Variants in RRP12 observed in about 807,000 individuals in gnomAD.
The protein encoded by RRP12 is ribosomal RNA processing 12 homolog, also known as RRP12-like protein.
In RRP12, 78 loss-of-function variants were observed where a neutral mutation model predicts 157.3. The observed-to-expected ratio is 0.50, with a 90% CI of 0.41 to 0.60. The LOEUF (loss-of-function observed/expected upper bound fraction) is 0.60, where lower values mean the gene tolerates loss of function less well. RRP12 is among the 20% of genes least tolerant of loss of function. The pLI is 0.00. For missense variants in RRP12, 1,521 were observed against 1,679.9 expected (o/e 0.91, Z 1.65); for synonymous variants, 726 against 670.9 (o/e 1.08, Z -1.27).
intron 2 of RRP12, among the ~76,000 whole-genome samples, chr10:97,398,016 TATATATGTATATATATATACG>T (rs1845023271): frequency 1.4e-5 from 1 of 72,422 alleles, no homozygotes; most frequent in East Asian, 4.4e-4. Flanking sequence ...CATATATATA[TATATATGTATATATATATACG>T]TATTTTTTTT....
intron 29 of RRP12, 89 bp from the exon 30 acceptor site, chr10:97,363,992 G>A: frequency 8.5e-7 from 1 of 1,179,320 alleles, no homozygotes; most frequent in South Asian, 1.2e-5. Flanking sequence ...TCACCAGGCT[G>A]CGGGGCCACC....
In RRP12 at chr10:97,401,259, C is replaced by T. The variant is rs1245124664; in HGVS notation, c.-28G>A. The T allele has an allele frequency of 6.2e-7, 1 of 1,612,646 alleles. No homozygotes were observed. The highest frequency in any genetic ancestry group is 1.7e-5 in the Admixed American group (1 of 59,980). On this transcript the variant is annotated 5_prime_UTR_variant, in exon 1 of 34. Coordinates refer to ENST00000370992, the MANE Select transcript of RRP12 (RefSeq NM_015179.4). ...TGACTAAGCCGTGGCGAGGAATGAGCTTAAATGACCGGCTTCCAGGGACGT... is the reference window on the plus strand; with the variant it reads ...TGACTAAGCCGTGGCGAGGAATGAGTTTAAATGACCGGCTTCCAGGGACGT...
At chr10:97,388,728 T>C (rs1844710945) in intron 6 of RRP12, 104 bp from the exon 7 acceptor site, 2 of 1,383,046 alleles carry the variant, frequency 1.4e-6, no homozygotes, top group Non-Finnish European at 2.0e-6. Context: ...GAAATATAGA[T>C]CCAATGATGA....
Position 97,367,109 on chromosome 10 carries a change from T to C in RRP12, c.2979A>G (p.Ser993=). ...QLVMEAIGKL[S]DDMRRHFRMK... ...TGCGGAAGTGCCGCCGCATGTCATC[T>C]GAAAGCTTCCCAATGGCTTCCATCT... Residue 993 remains serine (S), a synonymous_variant, in exon 26 of 34, where the codon TCA becomes TCG. Coordinates refer to ENST00000370992, the MANE Select transcript of RRP12 (RefSeq NM_015179.4). 4 of 1,614,222 alleles carry C rather than the reference T, an allele frequency of 2.5e-6. No individual in the cohort carries two copies. The highest frequency in any genetic ancestry group is 3.4e-6 in the Non-Finnish European group (4 of 1,180,040).
chr10:97,380,975 A>C (rs1844451909), intron 12 of RRP12, 62 bp from the exon 13 acceptor site: 2 of 1,352,894 alleles, frequency 1.5e-6, no homozygotes, highest in African/African-American at 1.4e-5. Context: ...CCACCAGAGA[A>C]AGTCAACGGC....
chr10:97,367,238 G>C, intron 25 of RRP12, 106 bp from the exon 26 acceptor site: 1 of 952,476 alleles, frequency 1.0e-6, no homozygotes, highest in Non-Finnish European at 1.6e-6. Flanking sequence ...CAGCTGAGGG[G>C]AGGGTTAGCG....
chr10:97,373,708 T>C lies in RRP12; in HGVS notation c.1893A>G (p.Thr631=). 1 of 1,613,568 alleles carries C rather than the reference T, an allele frequency of 6.2e-7. No homozygotes were observed. Among genetic ancestry groups the C allele is most frequent in the Non-Finnish European group, 8.5e-7 (1 of 1,179,570 alleles). Residue 631 remains threonine, a synonymous_variant, in exon 17 of 34, where the codon ACA becomes ACG. Transcript: ENST00000370992. ...QMWTLLPGFC[T]RPTDVAISFK... ...AGGAGATGGCCACATCTGTAGGCCT[T>C]GTGCAGAACCCAGGCAGGAGTGTCC...
chr10:97,376,552 A>G (rs754661639), intron 15 of RRP12, among the ~76,000 whole-genome samples: 1 of 152,060 alleles, frequency 6.6e-6, no homozygotes, highest in Non-Finnish European at 1.5e-5. Context: ...ATTCTACAAG[A>G]TCATGTGTGA....
chr10:97,386,260 T>C (rs1844628438), intron 8 of RRP12, among the ~76,000 whole-genome samples: 1 of 134,448 alleles, frequency 7.4e-6, no homozygotes, highest in Admixed American at 7.5e-5. Context: ...CTGTTACAGC[T>C]GTATTTTTTT....
intron 2 of RRP12, among the ~76,000 whole-genome samples, chr10:97,399,690 A>C (rs1845082336): frequency 6.6e-6 from 1 of 151,698 alleles, no homozygotes; most frequent in African/African-American, 2.4e-5. Context: ...CCCCGTCTCT[A>C]CTAAAAATAC....
At chr10:97,365,525 G>A (rs143705707) in intron 29 of RRP12, among the ~76,000 whole-genome samples, 8,191 of 152,058 alleles carry the variant, frequency 0.054, 278 homozygotes, top group Non-Finnish European at 0.063. Flanking sequence ...TGCGCGCCTT[G>A]GCCTCCCAAA....
chr10:97,379,218 C>G, intron 15 of RRP12, 75 bp downstream of exon 15: 1 of 1,551,908 alleles, frequency 6.4e-7, no homozygotes, highest in Non-Finnish European at 8.9e-7. Flanking sequence ...ACTCAGCACC[C>G]TTCCCAATCC....
Position 97,395,007 on chromosome 10 carries a change from G to T in RRP12, c.453+1211C>A, listed in dbSNP as rs576561593. Reference sequence around the variant, plus strand: ...AAAATACAAAAATTAGCTGGGCATGGTGGCAGGCGCCTGTAATTCCAACTA... The same window carrying T: ...AAAATACAAAAATTAGCTGGGCATGTTGGCAGGCGCCTGTAATTCCAACTA... On this transcript the variant is annotated intron_variant, in intron 3 of 33. Transcript: ENST00000370992. Among the ~76,000 whole-genome samples, 55 of 152,066 alleles carry T rather than the reference G, an allele frequency of 3.6e-4. 1 individual carries two copies. The South Asian group carries it at 4.6e-3, about 13-fold the overall frequency.
At position 97,370,983 on chromosome 10, in the gene RRP12, C is replaced by T. The variant is rs201092448; in HGVS notation, c.2442G>A (p.Leu814=). Residue 814 remains leucine (L), a synonymous_variant, in exon 21 of 34, where the codon CTG becomes CTA. Coordinates refer to ENST00000370992, the MANE Select transcript of RRP12 (RefSeq NM_015179.4). ...GPGALFVQSH[L]EDLKKTLLDS... is the part of the protein sequence containing the mutation. ...CCAGCAGTGTCTTCTTCAGGTCCTC[C>T]AGGTGGCTCTGCACGAAGAGGGCCC... 12 of 1,613,912 alleles carry T rather than the reference C, an allele frequency of 7.4e-6. No homozygotes were observed. The highest frequency in any genetic ancestry group is 9.3e-6 in the Non-Finnish European group (11 of 1,179,994).
Position 97,373,830 on chromosome 10 carries a change from C to T in RRP12, c.1863G>A (p.Gln621=). The T allele has an allele frequency of 1.9e-6, 3 of 1,613,918 alleles. No homozygotes were observed. The highest frequency in any genetic ancestry group is 2.5e-6 in the Non-Finnish European group (3 of 1,179,902). ...ESKIYDTLQW[Q]MWTLLPGFCT... The stretch of plus-strand genomic sequence containing the variant: ...ACGCCCTCCCCCAGCTGACCCTTAC[C>T]TGCCACTGGAGTGTGTCGTAGATCT... The change falls in exon 16 of 34, where the codon CAG becomes CAA. Residue 621 remains glutamine (Q), a splice_region_variant and synonymous_variant. Coordinates refer to ENST00000370992, the MANE Select transcript of RRP12 (RefSeq NM_015179.4).
chr10:97,378,658 A>C (rs889152145), intron 15 of RRP12, among the ~76,000 whole-genome samples: 1 of 152,072 alleles, frequency 6.6e-6, no homozygotes, highest in African/African-American at 2.4e-5. Flanking sequence ...GGAGTTTGAG[A>C]CCAGTCTGGC....
chr10:97,367,181 C>T (rs780995012), intron 25 of RRP12, 49 bp from the exon 26 acceptor site: 8 of 1,521,376 alleles, frequency 5.3e-6, no homozygotes, highest in African/African-American at 1.4e-5. Flanking sequence ...TTCCATGCTG[C>T]GCCCCCTTTA....
intron 20 of RRP12, 115 bp downstream of exon 20, chr10:97,371,958 G>C: frequency 1.5e-6 from 1 of 670,468 alleles, no homozygotes; most frequent in South Asian, 1.8e-5. Flanking sequence ...AAAGCAGACA[G>C]GGACCTGATC....
intron 15 of RRP12, among the ~76,000 whole-genome samples, chr10:97,376,346 C>T (rs1049519588): frequency 6.7e-6 from 1 of 149,404 alleles, no homozygotes; most frequent in East Asian, 2.0e-4. Context: ...TCCCAAGTAG[C>T]TGGGATTACA....
Sources: allele counts gnomAD v4.1 joint callset (sites outside exome capture counted in the v4.1 genomes callset), GRCh38; gene constraint gnomAD v4.1.1; transcripts MANE v1.5; gene names NCBI Gene and HGNC (gene_info 2026-07-23, HGNC 2026-07-21).